Variants in COL25A1 observed in about 807,000 individuals in gnomAD.
The protein encoded by COL25A1 is collagen type XXV alpha 1 chain.
COL25A1 carries 103 observed loss-of-function variants against 128.4 expected under a neutral mutation model. That is an observed-to-expected ratio of 0.80 (90% CI 0.68 to 0.94). The LOEUF is 0.94. Ranked by LOEUF, COL25A1 falls within the 40% of genes least tolerant of loss-of-function variation. The probability of loss-of-function intolerance (pLI) is 0.00; values close to 1 mark genes in which losing one functional copy is unlikely to be tolerated. For synonymous variants in COL25A1, 279 were observed against 277.2 expected (o/e 1.01, Z -0.06); for missense variants, 745 against 840.0 (o/e 0.89, Z 1.40).
At chr4:109,005,830 C>A (rs1476688393) in intron 6 of COL25A1, among the ~76,000 whole-genome samples, 1 of 152,156 alleles carries the variant, frequency 6.6e-6, no homozygotes, top group Non-Finnish European at 1.5e-5. Context: ...AGTGTCCATA[C>A]CCTTCCATTT....
intron 13 of COL25A1, among the ~76,000 whole-genome samples, chr4:108,914,518 C>G (rs1578751404): frequency 1.3e-5 from 2 of 152,046 alleles, no homozygotes; most frequent in Admixed American, 1.3e-4. Flanking sequence ...TCCTTAGGGT[C>G]AGGGAGACAG....
intron 3 of COL25A1, among the ~76,000 whole-genome samples, chr4:109,171,473 A>G (rs2126131797): frequency 6.6e-6 from 1 of 152,338 alleles, no homozygotes; most frequent in East Asian, 1.9e-4. Flanking sequence ...GCTAAGCAAT[A>G]AGTGTTTGTT....
intron 13 of COL25A1, among the ~76,000 whole-genome samples, chr4:108,906,505 C>T (rs11726031): frequency 0.47 from 71,307 of 152,004 alleles, 18,980 homozygotes; most frequent in East Asian, 0.93. Context: ...AAGATACAAC[C>T]TTGTGTTTCT....
At chr4:108,890,791 C>A (rs1180141987) in intron 16 of COL25A1, among the ~76,000 whole-genome samples, 3 of 152,294 alleles carry the variant, frequency 2.0e-5, no homozygotes, top group East Asian at 3.9e-4. Context: ...TCATCAATCT[C>A]TTTTAGAGAC....
At chr4:109,208,322 C>T (rs1777175027) in intron 3 of COL25A1, among the ~76,000 whole-genome samples, 1 of 152,102 alleles carries the variant, frequency 6.6e-6, no homozygotes, top group Non-Finnish European at 1.5e-5. Flanking sequence ...TTCTTTCCAT[C>T]CACTTTCACT....
chr4:108,894,463 G>C (rs1438072725), intron 16 of COL25A1, among the ~76,000 whole-genome samples: 3 of 151,990 alleles, frequency 2.0e-5, no homozygotes, highest in Non-Finnish European at 2.9e-5. Flanking sequence ...GCAAGACCCA[G>C]GAGCTAAAAA....
chr4:109,210,841 TA>T (rs1291702804), intron 3 of COL25A1, among the ~76,000 whole-genome samples: 1 of 151,988 alleles, frequency 6.6e-6, no homozygotes, highest in African/African-American at 2.4e-5. Context: ...TACACAGCCA[TA>T]AAAAAGAATA....
chr4:108,844,451 T>A lies in COL25A1; in HGVS notation c.1629+68A>T. The A allele has an allele frequency of 1.9e-6, 3 of 1,613,462 alleles. No individual in the cohort carries two copies. The South Asian group carries it at 3.3e-5, about 18-fold the overall frequency. Reference sequence around the variant, plus strand: ...TACAAGCTGGCTGTTTAGAGGGATGTGTTCATGTTCTCTCTAGCAGCATGC... The same window carrying A: ...TACAAGCTGGCTGTTTAGAGGGATGAGTTCATGTTCTCTCTAGCAGCATGC... On this transcript the variant is annotated intron_variant, in intron 30 of 37. Coordinates refer to ENST00000399132, the MANE Select transcript of COL25A1 (RefSeq NM_198721.4).
At chr4:109,212,612 G>A (rs17040069) in intron 3 of COL25A1, among the ~76,000 whole-genome samples, 70,116 of 151,892 alleles carry the variant, frequency 0.46, 19,596 homozygotes, top group African/African-American at 0.78. Flanking sequence ...ATGTCAGAAG[G>A]GAATCAACTG....
intron 5 of COL25A1, among the ~76,000 whole-genome samples, chr4:109,037,623 A>G (rs2125923219): frequency 6.6e-6 from 1 of 152,336 alleles, no homozygotes; most frequent in Non-Finnish European, 1.5e-5. Flanking sequence ...TTTCTCTAAA[A>G]GTGTGTGGGT....
intron 24 of COL25A1, among the ~76,000 whole-genome samples, chr4:108,855,255 T>A (rs1330158085): frequency 6.6e-6 from 1 of 150,554 alleles, no homozygotes; most frequent in Non-Finnish European, 1.5e-5. Context: ...GGGGCAAGGT[T>A]ATAAGAAAAA....
Position 108,943,425 on chromosome 4 carries a change from C to T in COL25A1, c.493-1988G>A, listed in dbSNP as rs74711715. 2.0e-5 allele frequency among the ~76,000 whole-genome samples: 3 copies of T among 152,266 alleles called. No individual in the cohort carries two copies. The East Asian group carries it at 5.8e-4, about 29-fold the overall frequency. ...CACCTCACAAAATATAGTCTTGCCA[C>T]CCACATATCAAAATTTCTCTCTCCA... On this transcript the variant is annotated intron_variant, in intron 8 of 37. Coordinates refer to ENST00000399132, the MANE Select transcript of COL25A1 (RefSeq NM_198721.4).
chr4:109,081,962 C>T (rs1763880005), intron 3 of COL25A1, among the ~76,000 whole-genome samples: 1 of 152,158 alleles, frequency 6.6e-6, no homozygotes, highest in African/African-American at 2.4e-5. Context: ...CCTCAGCATC[C>T]CAAAAGTGCT....
At chr4:108,976,112 C>A (rs969969008) in intron 6 of COL25A1, among the ~76,000 whole-genome samples, 2 of 152,082 alleles carry the variant, frequency 1.3e-5, no homozygotes, top group South Asian at 4.1e-4. Flanking sequence ...TTATATTCCA[C>A]TTAAGAAATC....
rs528864282 is a variant in COL25A1, at chr4:108,873,568, T to TAGTAGTAGTAGTAGC, written c.1021-4419_1021-4418insGCTACTACTACTACT. On this transcript the variant is annotated intron_variant, in intron 19 of 37. Coordinates refer to ENST00000399132, the MANE Select transcript of COL25A1 (RefSeq NM_198721.4). Reference sequence around the variant, plus strand: ...GTAGTAGTAGTAGTAGTAGCAGCAGTAGCAGCAGTAGCAGTAGTAGTAGTA... The same window carrying TAGTAGTAGTAGTAGC: ...GTAGTAGTAGTAGTAGTAGCAGCAGTAGTAGTAGTAGTAGCAGCAGCAGTAGCAGTAGTAGTAGTA... Among the ~76,000 whole-genome samples, 270 of 144,972 alleles carry TAGTAGTAGTAGTAGC rather than the reference T, an allele frequency of 1.9e-3. 1 individual carries two copies. The highest frequency in any genetic ancestry group is 8.4e-3 in the East Asian group (41 of 4,898).
chr4:109,014,860 A>G (rs1370335595), intron 5 of COL25A1, among the ~76,000 whole-genome samples: 1 of 152,248 alleles, frequency 6.6e-6, no homozygotes, highest in Non-Finnish European at 1.5e-5. Flanking sequence ...ACTCTTATCT[A>G]AAACTTGGAA....
At position 108,919,841 on chromosome 4, in the gene COL25A1, C is replaced by A. The variant is rs1288338258; in HGVS notation, c.735+737G>T. Among the ~76,000 whole-genome samples the A allele has an allele frequency of 2.6e-5, 4 of 152,116 alleles. No individual in the cohort carries two copies. In the East Asian group the frequency reaches 7.7e-4, roughly 29 times the overall value. ...GCAGTGGCACAGTCTTGGCTCACTG[C>A]AGCCTCTGCCTCCCAGGTTCAAGCG... On this transcript the variant is annotated intron_variant, in intron 12 of 37. Transcript: ENST00000399132.
rs1053521850 is a variant in COL25A1, at chr4:108,811,042, T to C, written c.*2885A>G. The C allele has an allele frequency of 6.6e-6, 1 of 152,062 alleles. No homozygotes were observed. Among genetic ancestry groups the C allele is most frequent in the African/African-American group, 2.4e-5 (1 of 41,452 alleles). 9.4% of individuals were successfully genotyped at this position (152,062 alleles called of 1,614,324 possible). A position where few individuals can be genotyped will look rare whatever the true frequency, so the allele number is the denominator to read the frequency against. ...TGCCTTATTTCCAATGTGTCTTTCA[T>C]GTATATTTTCTCAACCCTCTATCCA... On this transcript the variant is annotated 3_prime_UTR_variant, in exon 38 of 38. Transcript: ENST00000399132.
rs753428310 is a variant in COL25A1, at chr4:109,300,650, T to C, written c.300A>G (p.Lys100=). Residue 100 remains lysine (K), a splice_region_variant and synonymous_variant, in exon 3 of 38, where the codon AAA becomes AAG. Coordinates refer to ENST00000399132, the MANE Select transcript of COL25A1 (RefSeq NM_198721.4). The part of the protein sequence containing the change: ...QEKVERLLAQ[K]SYEHMAKIRI... ...TTATTTTAGCCATATGTTCATAGGATTTCTGTAGGAAAAGAAGAGTTATTA... is the reference window on the plus strand; with the variant it reads ...TTATTTTAGCCATATGTTCATAGGACTTCTGTAGGAAAAGAAGAGTTATTA... 2 of 1,606,102 alleles carry C rather than the reference T, an allele frequency of 1.2e-6. No individual in the cohort carries two copies. The highest frequency in any genetic ancestry group is 1.7e-6 in the Non-Finnish European group (2 of 1,172,766).
Sources: allele counts gnomAD v4.1 joint callset (sites outside exome capture counted in the v4.1 genomes callset), GRCh38; gene constraint gnomAD v4.1.1; transcripts MANE v1.5; gene names NCBI Gene and HGNC (gene_info 2026-07-23, HGNC 2026-07-21).